The following SPON1 variants were observed in gnomAD, a reference collection of about 807,000 sequenced individuals.
SPON1 encodes the protein spondin 1.
SPON1 carries 52 observed loss-of-function variants against 111.7 expected under a neutral mutation model. The observed-to-expected ratio is 0.47, with a 90% CI of 0.37 to 0.59. The LOEUF (loss-of-function observed/expected upper bound fraction) is 0.59, where lower values mean the gene tolerates loss of function less well. Among genes scored for constraint, SPON1 ranks in the 20% least tolerant of loss-of-function variants. The pLI is 0.00. For missense variants in SPON1, 957 were observed against 1,068.5 expected (o/e 0.90, Z 1.46); for synonymous variants, 410 against 395.8 (o/e 1.04, Z -0.43).
intron 6 of SPON1, among the ~76,000 whole-genome samples, chr11:14,202,620 C>T (rs11607537): frequency 0.041 from 6,268 of 152,264 alleles, 154 homozygotes; most frequent in Non-Finnish European, 0.057. Context: ...CTAACCTGTT[C>T]GTCCCTTTGA....
At chr11:14,170,170 T>C (rs1564922408) in intron 6 of SPON1, among the ~76,000 whole-genome samples, 2 of 152,198 alleles carry the variant, frequency 1.3e-5, no homozygotes, top group African/African-American at 4.8e-5. Flanking sequence ...TTTTATTACA[T>C]TGAGCAGTGG....
intron 6 of SPON1, among the ~76,000 whole-genome samples, chr11:14,156,314 G>A (rs1341602868): frequency 5.0e-5 from 7 of 139,766 alleles, no homozygotes; most frequent in Non-Finnish European, 7.9e-5. Flanking sequence ...GTCTGTTCAT[G>A]TCCTTCGCCC....
At chr11:14,239,160 T>C (rs1464102921) in intron 6 of SPON1, among the ~76,000 whole-genome samples, 12 of 152,138 alleles carry the variant, frequency 7.9e-5, no homozygotes, top group Admixed American at 5.9e-4. Context: ...GGAGGCAAGT[T>C]CTCCTGAGGC....
chr11:14,138,640 G>A (rs1403043861), intron 6 of SPON1, among the ~76,000 whole-genome samples: 1 of 152,154 alleles, frequency 6.6e-6, no homozygotes, highest in Non-Finnish European at 1.5e-5. Context: ...GGGGCTGTAG[G>A]AAATGGTAGA....
chr11:14,090,435 G>A (rs1191456809), intron 5 of SPON1, among the ~76,000 whole-genome samples: 1 of 152,178 alleles, frequency 6.6e-6, no homozygotes, highest in Non-Finnish European at 1.5e-5. Flanking sequence ...GCGGACCCTC[G>A]TAGTGAGTGT....
intron 6 of SPON1, among the ~76,000 whole-genome samples, chr11:14,163,319 A>C (rs958273737): frequency 6.6e-6 from 1 of 152,198 alleles, no homozygotes; most frequent in Non-Finnish European, 1.5e-5. Flanking sequence ...GATAAGTGCA[A>C]AATTCAAGTC....
chr11:14,222,157 T>G lies in SPON1; in HGVS notation c.826-21175T>G, dbSNP rs573859449. ...AGCTTTGTGTAAGTACAAAAAAAAT[T>G]TTCAGACCATGCTTTTTCCCATTAT... On this transcript the variant is annotated intron_variant, in intron 6 of 15. Coordinates refer to ENST00000576479, the MANE Select transcript of SPON1 (RefSeq NM_006108.4). Among the ~76,000 whole-genome samples, 13 of 152,298 alleles carry G rather than the reference T, an allele frequency of 8.5e-5. No individual in the cohort carries two copies. In the South Asian group the frequency reaches 2.7e-3, roughly 32 times the overall value.
chr11:14,026,585 G>A (rs113831743), intron 2 of SPON1, among the ~76,000 whole-genome samples: 2 of 152,150 alleles, frequency 1.3e-5, no homozygotes, highest in East Asian at 1.9e-4. Flanking sequence ...AGGGGGTGGG[G>A]GAAACGGGGT....
chr11:14,170,269 A>C (rs1351818695), intron 6 of SPON1, among the ~76,000 whole-genome samples: 31 of 152,014 alleles, frequency 2.0e-4, no homozygotes, highest in Non-Finnish European at 3.1e-4. Flanking sequence ...TGTGAATGGG[A>C]GTTCACTCAT....
At chr11:14,144,634 CAATAATAAT>C (rs71041573) in intron 6 of SPON1, among the ~76,000 whole-genome samples, 22 of 142,972 alleles carry the variant, frequency 1.5e-4, no homozygotes, top group East Asian at 4.0e-4. Context: ...ACTCCATCTC[CAATAATAAT>C]AATAATAATA....
At chr11:14,006,862 C>T (rs1177867334) in intron 2 of SPON1, among the ~76,000 whole-genome samples, 1 of 152,194 alleles carries the variant, frequency 6.6e-6, no homozygotes, top group Non-Finnish European at 1.5e-5. Flanking sequence ...TTTCCTAGAG[C>T]TGCTGTAACA....
At chr11:14,019,542 A>G (rs1554914602) in intron 2 of SPON1, among the ~76,000 whole-genome samples, 1 of 152,134 alleles carries the variant, frequency 6.6e-6, no homozygotes, top group African/African-American at 2.4e-5. Flanking sequence ...CCATCAAGGT[A>G]GAGTATTATA....
Position 13,976,746 on chromosome 11 carries a change from G to C in SPON1, c.239-6101G>C, listed in dbSNP as rs530280893. On this transcript the variant is annotated intron_variant, in intron 1 of 15. Transcript: ENST00000576479. ...AAGTTTACAAATGATAGAGTGTGGT[G>C]AATTATCACATGTTGAATATACTCA... 2.0e-5 allele frequency among the ~76,000 whole-genome samples: 3 copies of C among 152,276 alleles called. No homozygotes were observed. In the East Asian group the frequency reaches 5.8e-4, roughly 29 times the overall value.
chr11:13,964,870 C>T (rs1297908980), intron 1 of SPON1, among the ~76,000 whole-genome samples: 2 of 152,184 alleles, frequency 1.3e-5, no homozygotes, highest in Non-Finnish European at 2.9e-5. Context: ...GGGAAACTGT[C>T]CCCGCTCCAC....
chr11:14,072,513 C>T (rs181229624), intron 3 of SPON1, among the ~76,000 whole-genome samples: 10 of 151,916 alleles, frequency 6.6e-5, no homozygotes, highest in East Asian at 5.8e-4. Context: ...TGGGTGATTC[C>T]GGAGAGGAGG....
intron 1 of SPON1, among the ~76,000 whole-genome samples, chr11:13,981,133 A>T (rs2133780264): frequency 6.6e-6 from 1 of 152,306 alleles, no homozygotes; most frequent in South Asian, 2.1e-4. Flanking sequence ...CTGGGGATAA[A>T]AAGAGAATGA....
At chr11:14,104,102 C>G (rs1002283361) in intron 5 of SPON1, among the ~76,000 whole-genome samples, 1 of 151,904 alleles carries the variant, frequency 6.6e-6, no homozygotes, top group Non-Finnish European at 1.5e-5. Context: ...AATTAGTAGA[C>G]CTTTTTAGTG....
At chr11:14,093,409 C>A (rs978077170) in intron 5 of SPON1, among the ~76,000 whole-genome samples, 3 of 152,218 alleles carry the variant, frequency 2.0e-5, no homozygotes, top group African/African-American at 7.2e-5. Context: ...ACAAATGCTC[C>A]TATCCCATAG....
intron 6 of SPON1, among the ~76,000 whole-genome samples, chr11:14,234,498 A>G (rs1412327713): frequency 6.6e-6 from 1 of 152,238 alleles, no homozygotes; most frequent in African/African-American, 2.4e-5. Context: ...ACTAAAAAGA[A>G]CATAATAAAA....
Sources: gnomAD v4.1 joint callset for allele counts (sites outside exome capture counted in the v4.1 genomes callset) on GRCh38, gnomAD v4.1.1 for gene constraint, MANE v1.5 for transcripts, NCBI Gene and HGNC (gene_info 2026-07-23, HGNC 2026-07-21) for gene names.